ABCB10: variants seen among roughly 807,000 people sequenced by gnomAD.
ABCB10 encodes the protein ATP-binding cassette sub-family B member 10, mitochondrial.
A neutral mutation model predicts 65.4 loss-of-function variants in ABCB10; 54 were observed. The ratio of observed to expected loss-of-function variants is 0.83; its 90% CI spans 0.66 to 1.04. ABCB10 has a LOEUF of 1.04. Among genes scored for constraint, ABCB10 ranks in the 50% least tolerant of loss-of-function variants. The pLI is 0.00. For synonymous variants in ABCB10, 418 were observed against 406.5 expected (o/e 1.03, Z -0.34); for missense variants, 846 against 976.6 (o/e 0.87, Z 1.78).
chr1:229,538,373 AG>A (rs929158530), intron 6 of ABCB10, among the ~76,000 whole-genome samples: 1 of 152,182 alleles, frequency 6.6e-6, no homozygotes, highest in Non-Finnish European at 1.5e-5. Context: ...GAACGTGAAC[AG>A]AAAGGCCAGG....
chr1:229,518,964 C>A (rs940706871), intron 11 of ABCB10, 89 bp from the exon 12 acceptor site: 3 of 1,091,088 alleles, frequency 2.7e-6, no homozygotes, highest in African/African-American at 3.2e-5. Flanking sequence ...AATTCTGACA[C>A]ATGCTACAAT....
At position 229,549,257 on chromosome 1, in the gene ABCB10, C is replaced by T. The variant is rs1482714067; in HGVS notation, c.695G>A (p.Arg232His). Residue 232 changes from arginine (R) to histidine (H), a missense_variant, in exon 2 of 13, where the codon CGT (arginine) becomes CAT (histidine). Physicochemically the swap from Arg to His is conservative, Grantham distance 29 (BLOSUM62 0). Transcript: ENST00000344517. ...ACCTGAAGTTTGCATGAGGTAGACA[C>T]GAATGGCATTGGCGGCAGCACCACA... ...FLCGAAANAIRVYLMQTSGQR... is the reference protein window; with the variant it reads ...FLCGAAANAIHVYLMQTSGQR... The T allele has an allele frequency of 3.1e-6, 5 of 1,613,914 alleles. No homozygotes were observed. The highest frequency in any genetic ancestry group is 1.3e-5 in the African/African-American group (1 of 74,870).
chr1:229,518,450 G>A (rs367565268), intron 12 of ABCB10, 40 bp from the exon 13 acceptor site: 3 of 1,552,160 alleles, frequency 1.9e-6, no homozygotes, highest in Non-Finnish European at 2.7e-6. Context: ...AAAGACGTCA[G>A]TGACACCCAT....
At chr1:229,539,063 A>T (rs369368405) in intron 6 of ABCB10, among the ~76,000 whole-genome samples, 1 of 152,252 alleles carries the variant, frequency 6.6e-6, no homozygotes, top group African/African-American at 2.4e-5. Flanking sequence ...TTTATTCTCC[A>T]CTGATTTGCC....
intron 2 of ABCB10, among the ~76,000 whole-genome samples, chr1:229,548,193 G>A (rs1201042907): frequency 1.3e-5 from 2 of 151,618 alleles, no homozygotes. Context: ...TTATATAGAC[G>A]GAGTCTTGCT....
intron 8 of ABCB10, among the ~76,000 whole-genome samples, chr1:229,528,712 G>C (rs1662499920): frequency 6.6e-6 from 1 of 150,582 alleles, no homozygotes. Context: ...TTAATAAATA[G>C]TGACAGGGTC....
chr1:229,538,007 G>A (rs1330341023), intron 6 of ABCB10, among the ~76,000 whole-genome samples: 4 of 152,104 alleles, frequency 2.6e-5, no homozygotes, highest in Non-Finnish European at 5.9e-5. Flanking sequence ...ATCCCTCCTC[G>A]CACCAGATGG....
chr1:229,521,703 A>T, intron 10 of ABCB10, 68 bp from the exon 11 acceptor site: 1 of 1,560,720 alleles, frequency 6.4e-7, no homozygotes, highest in South Asian at 1.1e-5. Context: ...TTTTATGATA[A>T]ACCATATAGC....
In ABCB10 at chr1:229,531,657, C is replaced by T. The variant is rs72751738; in HGVS notation, c.1414G>A (p.Glu472Lys). The change falls in exon 7 of 13, where the codon GAG (glutamate) becomes AAG (lysine). Residue 472 changes from glutamate to lysine, a missense_variant. Glu to Lys is a moderately conservative substitution (Grantham distance 56, BLOSUM62 1). This residue lies in a region of ABCB10 where 632 missense variants were observed against 803.2 expected (regional missense o/e 0.79). Transcript: ENST00000344517. ...GGRLWELLEREPKLPFNEGVI... is the reference protein window; with the variant it reads ...GGRLWELLERKPKLPFNEGVI... ...CCACCGTTAAAAGGCAGCTTGGGCTCTCTCTCCAGGAGCTCCCAGAGGCGC... is the reference window on the plus strand; with the variant it reads ...CCACCGTTAAAAGGCAGCTTGGGCTTTCTCTCCAGGAGCTCCCAGAGGCGC... The T allele has an allele frequency of 6.2e-7, 1 of 1,613,768 alleles. No homozygotes were observed. The highest frequency in any genetic ancestry group is 1.3e-5 in the African/African-American group (1 of 74,896).
At chr1:229,557,185 A>G (rs760678702) in intron 1 of ABCB10, among the ~76,000 whole-genome samples, 2 of 151,978 alleles carry the variant, frequency 1.3e-5, no homozygotes, top group Non-Finnish European at 2.9e-5. Context: ...AAAGCAATGG[A>G]TTTGCAGCAA....
Position 229,558,539 on chromosome 1 carries a change from C to T in ABCB10, c.114G>A (p.Gly38=), listed in dbSNP as rs1315981481. ...CVWAAASRVP[G]SLSPFTGLRP... ...TCAGGCCAGTGAACGGCGATAGGGA[C>T]CCGGGAACGCGGCTGGCCGCGGCCC... Residue 38 remains glycine, a synonymous_variant, in exon 1 of 13, where the codon GGG becomes GGA. Coordinates refer to ENST00000344517, the MANE Select transcript of ABCB10 (RefSeq NM_012089.3). 3 of 1,439,336 alleles carry T rather than the reference C, an allele frequency of 2.1e-6. No individual in the cohort carries two copies. Among genetic ancestry groups the T allele is most frequent in the East Asian group, 3.2e-5 (1 of 31,144 alleles). The allele number at this position is 1,439,336 out of a possible 1,614,324, so 89.2% of individuals were successfully genotyped here.
rs1032910548 is a variant in ABCB10, at chr1:229,547,704, G to A, written c.719-3C>T. On this transcript the variant is annotated splice_region_variant and splice_polypyrimidine_tract_variant and intron_variant, in intron 2 of 12. Coordinates refer to ENST00000344517, the MANE Select transcript of ABCB10 (RefSeq NM_012089.3). The stretch of plus-strand genomic sequence containing the variant: ...CAGCCTATTCACAATGCGCTGACCT[G>A]CAAAAGCAAACACGAACAGGCTCAC... The A allele has an allele frequency of 6.2e-7, 1 of 1,614,066 alleles. No individual in the cohort carries two copies. Among genetic ancestry groups the A allele is most frequent in the Admixed American group, 1.7e-5 (1 of 60,022 alleles).
chr1:229,519,098 G>T, intron 11 of ABCB10: 1 of 400,502 alleles, frequency 2.5e-6, no homozygotes, highest in South Asian at 4.3e-5. Context: ...GATATCTGGG[G>T]CTGGGTTCAA....
chr1:229,557,852 G>A (rs1470206167), intron 1 of ABCB10, among the ~76,000 whole-genome samples: 3 of 152,178 alleles, frequency 2.0e-5, no homozygotes, highest in Admixed American at 1.3e-4. Flanking sequence ...CTCCCACTAA[G>A]TTGGTGGTGG....
At chr1:229,528,317 T>C (rs1662491104) in intron 8 of ABCB10, among the ~76,000 whole-genome samples, 1 of 146,780 alleles carries the variant, frequency 6.8e-6, no homozygotes, top group African/African-American at 2.5e-5. Flanking sequence ...AATAGGATTT[T>C]TTTTGGTCTT....
intron 1 of ABCB10, among the ~76,000 whole-genome samples, chr1:229,556,412 C>T (rs1558131004): frequency 6.6e-6 from 1 of 151,522 alleles, no homozygotes; most frequent in Non-Finnish European, 1.5e-5. Context: ...TGTGGTGGCA[C>T]ATGCCTGTAG....
At chr1:229,524,935 C>G (rs992840354) in intron 10 of ABCB10, among the ~76,000 whole-genome samples, 1 of 151,952 alleles carries the variant, frequency 6.6e-6, no homozygotes. Flanking sequence ...CTCACTGCAA[C>G]CTCCGCCTCC....
At chr1:229,535,901 T>G (rs140366280) in intron 6 of ABCB10, among the ~76,000 whole-genome samples, 379 of 152,192 alleles carry the variant, frequency 2.5e-3, no homozygotes, top group African/African-American at 8.9e-3. Flanking sequence ...AATTTTTGTA[T>G]TTTTAGTAGA....
chr1:229,540,639 T>C lies in ABCB10; in HGVS notation c.1170A>G (p.Lys390=), dbSNP rs2102699131. 6.2e-7 allele frequency: 1 copy of C among 1,612,248 alleles called. No individual in the cohort carries two copies. The highest frequency in any genetic ancestry group is 8.5e-7 in the Non-Finnish European group (1 of 1,179,994). ...KVDHVMQLAR[K]EAFARAGFFG... is the part of the protein sequence containing the mutation. ...AGAAACCAGCCCGGGCGAATGCCTC[T>C]TTCCTTGCTAACTGCATTACATGGT... The change falls in exon 5 of 13, where the codon AAA becomes AAG. Residue 390 remains lysine, a synonymous_variant. Transcript: ENST00000344517.
Sources: gnomAD v4.1 joint callset for allele counts (sites outside exome capture counted in the v4.1 genomes callset) on GRCh38, gnomAD v4.1.1 for gene constraint, gnomAD v4.1.1 regional missense constraint, MANE v1.5 for transcripts, NCBI Gene and HGNC (gene_info 2026-07-23, HGNC 2026-07-21) for gene names.